The following KCNH7 variants were observed in gnomAD, a reference collection of about 807,000 sequenced individuals.
KCNH7 encodes potassium voltage-gated channel subfamily H member 7.
In KCNH7, 49 loss-of-function variants were observed where a neutral mutation model predicts 120.8. That is an observed-to-expected ratio of 0.41 (90% CI 0.32 to 0.51). The LOEUF (loss-of-function observed/expected upper bound fraction) is 0.51. Among genes scored for constraint, KCNH7 ranks in the 20% least tolerant of loss-of-function variants. The probability of loss-of-function intolerance (pLI) is 0.38; values close to 1 mark genes in which losing one functional copy is unlikely to be tolerated. For synonymous variants in KCNH7, 547 were observed against 516.1 expected (o/e 1.06, Z -0.81); for missense variants, 1,097 against 1,446.6 (o/e 0.76, Z 3.92).
At chr2:162,487,680 G>A (rs1323905719) in intron 6 of KCNH7, among the ~76,000 whole-genome samples, 3 of 152,152 alleles carry the variant, frequency 2.0e-5, no homozygotes, top group Non-Finnish European at 4.4e-5. Context: ...TTATAAATGA[G>A]ATCTGCAAAA....
At chr2:162,745,539 C>T (rs1688286278) in intron 2 of KCNH7, among the ~76,000 whole-genome samples, 1 of 152,002 alleles carries the variant, frequency 6.6e-6, no homozygotes, top group African/African-American at 2.4e-5. Flanking sequence ...ATAACAATTT[C>T]CTTTAAACAA....
chr2:162,403,276 A>G (rs544112659), intron 9 of KCNH7, among the ~76,000 whole-genome samples: 3 of 151,900 alleles, frequency 2.0e-5, no homozygotes, highest in Non-Finnish European at 4.4e-5. Context: ...TTTGTGTTCT[A>G]TTGCCTCAGC....
intron 6 of KCNH7, among the ~76,000 whole-genome samples, chr2:162,477,452 TCAA>T (rs1422423143): frequency 1.3e-5 from 2 of 152,070 alleles, no homozygotes; most frequent in Non-Finnish European, 2.9e-5. Flanking sequence ...AGAAAAAAAG[TCAA>T]CAGGGTCTTT....
intron 2 of KCNH7, among the ~76,000 whole-genome samples, chr2:162,694,712 C>A (rs1686228768): frequency 6.6e-6 from 1 of 152,018 alleles, no homozygotes; most frequent in South Asian, 2.1e-4. Flanking sequence ...GCCTGAAATA[C>A]AACTTCCAGC....
chr2:162,809,722 A>G (rs1304787844), intron 2 of KCNH7, among the ~76,000 whole-genome samples: 11 of 152,136 alleles, frequency 7.2e-5, no homozygotes, highest in African/African-American at 2.7e-4. Flanking sequence ...ACATTTCTAG[A>G]TATTCTAAAG....
chr2:162,647,554 C>T (rs1231541119), intron 2 of KCNH7, among the ~76,000 whole-genome samples: 2 of 152,214 alleles, frequency 1.3e-5, no homozygotes, highest in East Asian at 3.9e-4. Flanking sequence ...ATAATTGAAT[C>T]GCGAAGGTGG....
intron 2 of KCNH7, among the ~76,000 whole-genome samples, chr2:162,663,796 C>G (rs977675183): frequency 6.6e-6 from 1 of 152,116 alleles, no homozygotes; most frequent in Non-Finnish European, 1.5e-5. Flanking sequence ...ATGTAAAACA[C>G]TCATTACAAT....
At chr2:162,643,804 C>CAAAAAAAA (rs781089376) in intron 2 of KCNH7, among the ~76,000 whole-genome samples, 56 of 90,268 alleles carry the variant, frequency 6.2e-4, no homozygotes, top group East Asian at 1.5e-3. Context: ...GACTCTATCT[C>CAAAAAAAA]AAAAAAAAAA....
chr2:162,600,079 G>A (rs1213911245), intron 2 of KCNH7, among the ~76,000 whole-genome samples: 1 of 152,078 alleles, frequency 6.6e-6, no homozygotes, highest in Admixed American at 6.6e-5. Context: ...CCATCCTGAT[G>A]ATGTGATGTA....
At chr2:162,758,706 T>C (rs970020493) in intron 2 of KCNH7, among the ~76,000 whole-genome samples, 1 of 152,160 alleles carries the variant, frequency 6.6e-6, no homozygotes, top group Non-Finnish European at 1.5e-5. Context: ...GTATAAATTA[T>C]TTCCTATACC....
chr2:162,432,780 A>G (rs1272003882), intron 8 of KCNH7, among the ~76,000 whole-genome samples: 7 of 152,058 alleles, frequency 4.6e-5, no homozygotes, highest in African/African-American at 1.7e-4. Context: ...CACTACTCCT[A>G]TTCAACTTAG....
chr2:162,610,881 A>T (rs1682940618), intron 2 of KCNH7, among the ~76,000 whole-genome samples: 1 of 152,258 alleles, frequency 6.6e-6, no homozygotes, highest in African/African-American at 2.4e-5. Context: ...TCTGTAAGAC[A>T]ATAAATGTGA....
intron 12 of KCNH7, among the ~76,000 whole-genome samples, chr2:162,390,851 T>A (rs1686724196): frequency 6.6e-6 from 1 of 152,046 alleles, no homozygotes; most frequent in Non-Finnish European, 1.5e-5. Context: ...ACAAATTCAT[T>A]ATATATTCAA....
intron 2 of KCNH7, among the ~76,000 whole-genome samples, chr2:162,557,531 T>C (rs1692900160): frequency 6.6e-6 from 1 of 152,192 alleles, no homozygotes; most frequent in Non-Finnish European, 1.5e-5. Flanking sequence ...GTGGGAGATA[T>C]TGTTGCAGCT....
intron 2 of KCNH7, among the ~76,000 whole-genome samples, chr2:162,781,581 A>C (rs1458710854): frequency 6.6e-6 from 1 of 152,186 alleles, no homozygotes; most frequent in Non-Finnish European, 1.5e-5. Context: ...GTAACAGGGG[A>C]GACAGCAGTG....
chr2:162,631,311 C>T (rs570193637), intron 2 of KCNH7, among the ~76,000 whole-genome samples: 2 of 152,126 alleles, frequency 1.3e-5, no homozygotes, highest in Non-Finnish European at 2.9e-5. Flanking sequence ...TGTTTCTGTA[C>T]ATTGAGGCAA....
intron 2 of KCNH7, among the ~76,000 whole-genome samples, chr2:162,579,304 C>A (rs1222578052): frequency 6.6e-6 from 1 of 151,982 alleles, no homozygotes; most frequent in Non-Finnish European, 1.5e-5. Flanking sequence ...ACTTTTTAGT[C>A]TCTCCCGGGA....
chr2:162,606,200 G>T (rs1027256308), intron 2 of KCNH7, among the ~76,000 whole-genome samples: 1 of 152,010 alleles, frequency 6.6e-6, no homozygotes, highest in Non-Finnish European at 1.5e-5. Flanking sequence ...TGTGGCCCAT[G>T]AATTTTTTTT....
chr2:162,420,603 T>A (rs1249550994), intron 9 of KCNH7, among the ~76,000 whole-genome samples: 1 of 152,168 alleles, frequency 6.6e-6, no homozygotes, highest in Non-Finnish European at 1.5e-5. Context: ...CCACTCTTTT[T>A]AGGTCAATTA....
Sources: allele counts gnomAD v4.1 joint callset (sites outside exome capture counted in the v4.1 genomes callset), GRCh38; gene constraint gnomAD v4.1.1; transcripts MANE v1.5; gene names NCBI Gene and HGNC (gene_info 2026-07-23, HGNC 2026-07-21).